The following CAMTA1 variants were observed in gnomAD, a reference collection of about 807,000 sequenced individuals.
CAMTA1 encodes calmodulin-binding transcription activator 1.
In CAMTA1, 27 loss-of-function variants were observed where a neutral mutation model predicts 170.9. The observed-to-expected ratio is 0.16, with a 90% CI of 0.12 to 0.22. CAMTA1 has a LOEUF of 0.22. Among genes scored for constraint, CAMTA1 ranks in the 10% least tolerant of loss-of-function variants. CAMTA1 has a pLI of 1.00. For missense variants in CAMTA1, 1,619 were observed against 2,217.2 expected, an observed-to-expected ratio of 0.73 and a Z score of 5.42; for synonymous variants, 833 against 891.5, an observed-to-expected ratio of 0.93 and a Z score of 1.17.
chr1:7,766,894 A>C lies in CAMTA1; in HGVS notation c.*403A>C. The C allele has an allele frequency of 6.1e-6, 1 of 163,270 alleles. No homozygotes were observed. Among genetic ancestry groups the C allele is most frequent in the Non-Finnish European group, 1.3e-5 (1 of 74,970 alleles). 10.1% of individuals were successfully genotyped at this position (163,270 alleles called of 1,614,324 possible). A position where few individuals can be genotyped will look rare whatever the true frequency, so the allele number is the denominator to read the frequency against. On this transcript the variant is annotated 3_prime_UTR_variant, in exon 23 of 23. Coordinates refer to ENST00000303635, the MANE Select transcript of CAMTA1 (RefSeq NM_015215.4). ...TTTATACCAAAAATATAGATAAGAA[A>C]AGGTGGGGCTATACTAGCAACAAAA...
intron 4 of CAMTA1, among the ~76,000 whole-genome samples, chr1:7,201,901 T>A (rs1656776690): frequency 6.6e-6 from 1 of 152,234 alleles, no homozygotes; most frequent in African/African-American, 2.4e-5. Flanking sequence ...AAGCCCCATG[T>A]GTCTATTTTT....
intron 4 of CAMTA1, among the ~76,000 whole-genome samples, chr1:7,197,678 A>ACACACACAC (rs57819326): frequency 7.2e-5 from 10 of 139,134 alleles, no homozygotes; most frequent in South Asian, 2.4e-4. Flanking sequence ...ACACACACAC[A>ACACACACAC]ATCTACTTGC....
intron 5 of CAMTA1, among the ~76,000 whole-genome samples, chr1:7,460,375 G>T: frequency 6.6e-6 from 1 of 152,152 alleles, no homozygotes; most frequent in East Asian, 1.9e-4. Context: ...TTAGCAACAG[G>T]GCTCTTTGAT....
At chr1:6,949,564 G>A (rs533415807) in intron 3 of CAMTA1, among the ~76,000 whole-genome samples, 63 of 152,292 alleles carry the variant, frequency 4.1e-4, no homozygotes, top group African/African-American at 1.4e-3. Flanking sequence ...GGCTGCTGGC[G>A]AGGAAATTCA....
At chr1:7,735,192 A>G (rs1220401863) in intron 12 of CAMTA1, among the ~76,000 whole-genome samples, 1 of 152,186 alleles carries the variant, frequency 6.6e-6, no homozygotes, top group Non-Finnish European at 1.5e-5. Context: ...TAAGTGATCT[A>G]ATTCTCCTTC....
chr1:7,648,424 G>C (rs1303569722), intron 7 of CAMTA1, among the ~76,000 whole-genome samples: 1 of 151,882 alleles, frequency 6.6e-6, no homozygotes, highest in African/African-American at 2.4e-5. Context: ...GAAGGGAAGA[G>C]AGCTGCAAAA....
At chr1:7,663,297 T>G (rs2095976985) in intron 8 of CAMTA1, 56 bp from the exon 9 acceptor site, 4 of 1,504,604 alleles carry the variant, frequency 2.7e-6, no homozygotes, top group Non-Finnish European at 2.7e-6. Flanking sequence ...TGTGCATGTG[T>G]GTGTGCACAT....
intron 3 of CAMTA1, among the ~76,000 whole-genome samples, chr1:6,933,508 C>T (rs1206047410): frequency 1.3e-5 from 2 of 152,186 alleles, no homozygotes; most frequent in Non-Finnish European, 2.9e-5. Flanking sequence ...GATCTGCCCA[C>T]CTTGGCCTCC....
chr1:7,441,212 T>C lies in CAMTA1; in HGVS notation c.439-26618T>C, dbSNP rs577784100. 1.1e-3 allele frequency: 174 copies of C among 152,316 alleles called. 1 individual carries two copies. The highest frequency in any genetic ancestry group is 4.1e-3 in the African/African-American group (169 of 41,564). 9.4% of individuals were successfully genotyped at this position (152,316 alleles called of 1,614,324 possible). ...TTTGAAAAATGAAAACATGGTGTAA[T>C]ATTGAATGTTGCTGTTCAAACTGCT... is the stretch of plus-strand genomic sequence containing the variant. On this transcript the variant is annotated intron_variant, in intron 5 of 22. Transcript: ENST00000303635.
intron 3 of CAMTA1, among the ~76,000 whole-genome samples, chr1:6,898,570 A>G (rs1676164909): frequency 6.6e-6 from 1 of 152,136 alleles, no homozygotes; most frequent in African/African-American, 2.4e-5. Context: ...AAACAAACAA[A>G]CAAAAGGAGA....
intron 3 of CAMTA1, among the ~76,000 whole-genome samples, chr1:6,939,773 G>A (rs1219229614): frequency 6.6e-5 from 10 of 152,238 alleles, no homozygotes; most frequent in Non-Finnish European, 1.2e-4. Context: ...ACGGCGCAGG[G>A]CTCTGTTTTC....
intron 5 of CAMTA1, among the ~76,000 whole-genome samples, chr1:7,328,095 A>AT (rs1397693437): frequency 6.6e-6 from 1 of 152,050 alleles, no homozygotes; most frequent in Non-Finnish European, 1.5e-5. Context: ...TGTGTTCCAC[A>AT]TTTTCACTGT....
At chr1:7,655,256 A>C (rs533977677) in intron 7 of CAMTA1, among the ~76,000 whole-genome samples, 3 of 147,712 alleles carry the variant, frequency 2.0e-5, no homozygotes, top group East Asian at 2.0e-4. Flanking sequence ...ACACCTATAC[A>C]CACAGACCCA....
At chr1:7,171,577 A>G (rs1573625870) in intron 4 of CAMTA1, among the ~76,000 whole-genome samples, 1 of 152,170 alleles carries the variant, frequency 6.6e-6, no homozygotes, top group Admixed American at 6.5e-5. Flanking sequence ...CCTGCCCCCA[A>G]TCAAATCCAT....
chr1:7,103,278 A>G (rs1418653760), intron 4 of CAMTA1, among the ~76,000 whole-genome samples: 1 of 151,558 alleles, frequency 6.6e-6, no homozygotes, highest in Non-Finnish European at 1.5e-5. Flanking sequence ...GCCAATGTAG[A>G]TTCCATTTTA....
chr1:7,126,289 T>C (rs1644929399), intron 4 of CAMTA1, among the ~76,000 whole-genome samples: 1 of 152,132 alleles, frequency 6.6e-6, no homozygotes, highest in Admixed American at 6.5e-5. Flanking sequence ...TGCCTGCCTG[T>C]CTTCACCTCA....
intron 4 of CAMTA1, among the ~76,000 whole-genome samples, chr1:7,222,336 G>C (rs1318767961): frequency 6.6e-6 from 1 of 152,186 alleles, no homozygotes; most frequent in Non-Finnish European, 1.5e-5. Context: ...TGCGTCTTCT[G>C]TCTCAATGCA....
intron 11 of CAMTA1, among the ~76,000 whole-genome samples, chr1:7,684,495 G>C (rs2096241866): frequency 6.6e-6 from 1 of 152,156 alleles, no homozygotes; most frequent in African/African-American, 2.4e-5. Context: ...AAGGCGCTAG[G>C]GAGGGACCCT....
intron 4 of CAMTA1, among the ~76,000 whole-genome samples, chr1:7,178,025 T>A (rs1291457415): frequency 1.3e-5 from 2 of 151,188 alleles, no homozygotes; most frequent in African/African-American, 4.9e-5. Context: ...TCCCAAGCAC[T>A]GAGGCCTCAT....
Sources: gnomAD v4.1 joint callset for allele counts (sites outside exome capture counted in the v4.1 genomes callset) on GRCh38, gnomAD v4.1.1 for gene constraint, MANE v1.5 for transcripts, NCBI Gene and HGNC (gene_info 2026-07-23, HGNC 2026-07-21) for gene names.